The following DNER variants were observed in gnomAD, a reference collection of about 807,000 sequenced individuals.
The protein encoded by DNER is delta/notch like EGF repeat containing, also known as delta and Notch-like epidermal growth factor-related receptor.
A neutral mutation model predicts 78.2 loss-of-function variants in DNER; 33 were observed. The ratio of observed to expected loss-of-function variants is 0.42; its 90% CI spans 0.32 to 0.56. The LOEUF is 0.56. Among genes scored for constraint, DNER ranks in the 20% least tolerant of loss-of-function variants. DNER has a pLI of 0.11. For synonymous variants in DNER, 417 were observed against 384.8 expected, an observed-to-expected ratio of 1.08 and a Z score of -0.98; for missense variants, 918 against 975.3, an observed-to-expected ratio of 0.94 and a Z score of 0.78.
intron 4 of DNER, 136 bp from the exon 5 acceptor site, chr2:229,547,228 G>T: frequency 2.4e-6 from 3 of 1,234,022 alleles, no homozygotes; most frequent in Non-Finnish European, 3.3e-6. Context: ...AAAACAAAAT[G>T]CAGTGAGGCA....
chr2:229,610,352 G>GT (rs1329541469), intron 1 of DNER, among the ~76,000 whole-genome samples: 1 of 152,184 alleles, frequency 6.6e-6, no homozygotes, highest in African/African-American at 2.4e-5. Flanking sequence ...CTGGAAAGTA[G>GT]TAAGTTCACT....
chr2:229,411,947 G>A (rs374676809), intron 9 of DNER, among the ~76,000 whole-genome samples: 1 of 152,066 alleles, frequency 6.6e-6, no homozygotes, highest in Non-Finnish European at 1.5e-5. Context: ...AAAAACATGA[G>A]TAATTATGAA....
At chr2:229,610,581 C>T (rs1698028551) in intron 1 of DNER, among the ~76,000 whole-genome samples, 1 of 152,146 alleles carries the variant, frequency 6.6e-6, no homozygotes, top group Non-Finnish European at 1.5e-5. Context: ...GATCAGTCAC[C>T]AGGACTGGGT....
intron 5 of DNER, among the ~76,000 whole-genome samples, chr2:229,523,124 G>A (rs1696133996): frequency 6.6e-6 from 1 of 152,160 alleles, no homozygotes; most frequent in South Asian, 2.1e-4. Context: ...ATGGGAAGGG[G>A]GTGACCCCCT....
intron 1 of DNER, among the ~76,000 whole-genome samples, chr2:229,689,201 G>T (rs763118858): frequency 4.6e-5 from 7 of 152,174 alleles, no homozygotes; most frequent in South Asian, 2.1e-4. Flanking sequence ...TTAGCCTATG[G>T]TACCTATAGT....
intron 4 of DNER, among the ~76,000 whole-genome samples, chr2:229,565,655 C>T (rs2154213880): frequency 6.6e-6 from 1 of 152,258 alleles, no homozygotes; most frequent in South Asian, 2.1e-4. Flanking sequence ...CCCAATGTGC[C>T]TATTTCTCAC....
At chr2:229,360,553 C>CA (rs1559330203) in intron 12 of DNER, among the ~76,000 whole-genome samples, 1 of 152,194 alleles carries the variant, frequency 6.6e-6, no homozygotes, top group Non-Finnish European at 1.5e-5. Flanking sequence ...GCTGGGACTA[C>CA]AGGCGCCCGC....
intron 8 of DNER, among the ~76,000 whole-genome samples, chr2:229,437,906 T>C (rs908402042): frequency 9.9e-5 from 15 of 152,136 alleles, no homozygotes; most frequent in African/African-American, 2.2e-4. Context: ...CTAGTAGGCA[T>C]TGGGGACCCC....
At chr2:229,602,526 T>C (rs931431217) in intron 1 of DNER, among the ~76,000 whole-genome samples, 2 of 152,054 alleles carry the variant, frequency 1.3e-5, no homozygotes, top group African/African-American at 2.4e-5. Context: ...AAGGATCCAC[T>C]AAGAAAATAA....
chr2:229,554,166 T>C (rs1460664475), intron 4 of DNER, among the ~76,000 whole-genome samples: 2 of 152,218 alleles, frequency 1.3e-5, no homozygotes, highest in Non-Finnish European at 2.9e-5. Context: ...CTGCACTTAA[T>C]GTCCCAGGGA....
intron 6 of DNER, among the ~76,000 whole-genome samples, chr2:229,500,992 G>C (rs1695609746): frequency 6.6e-6 from 1 of 152,092 alleles, no homozygotes; most frequent in South Asian, 2.1e-4. Context: ...ACAACAACAT[G>C]AATCAACCTG....
At chr2:229,437,193 C>T (rs926490353) in intron 8 of DNER, among the ~76,000 whole-genome samples, 5 of 152,272 alleles carry the variant, frequency 3.3e-5, no homozygotes, top group Admixed American at 1.3e-4. Context: ...TAAAGAAGCA[C>T]GTGAGTGAGA....
chr2:229,615,787 T>G (rs950034596), intron 1 of DNER, among the ~76,000 whole-genome samples: 3 of 108,114 alleles, frequency 2.8e-5, no homozygotes, highest in Non-Finnish European at 4.2e-5. Flanking sequence ...ACTAGGAGAC[T>G]AGCGGCAAAA....
chr2:229,520,375 A>C (rs1225168208), intron 5 of DNER, among the ~76,000 whole-genome samples: 2 of 152,202 alleles, frequency 1.3e-5, no homozygotes, highest in Non-Finnish European at 2.9e-5. Context: ...TCTGAAAACG[A>C]AATGGAGATG....
chr2:229,646,220 G>A (rs569738545), intron 1 of DNER, among the ~76,000 whole-genome samples: 68 of 152,100 alleles, frequency 4.5e-4, no homozygotes, highest in Non-Finnish European at 6.5e-4. Context: ...ATTTTAAGGC[G>A]TCATTATAAG....
intron 1 of DNER, among the ~76,000 whole-genome samples, chr2:229,697,287 C>T (rs576366146): frequency 6.6e-6 from 1 of 152,228 alleles, no homozygotes; most frequent in South Asian, 2.1e-4. Context: ...TATGAAATAT[C>T]GAGAATAAGT....
intron 5 of DNER, among the ~76,000 whole-genome samples, chr2:229,519,706 C>T (rs569221434): frequency 1.4e-4 from 22 of 152,244 alleles, no homozygotes; most frequent in East Asian, 5.8e-4. Context: ...TCAGAAGATG[C>T]GTGTGGGGAG....
intron 5 of DNER, among the ~76,000 whole-genome samples, chr2:229,534,202 C>A (rs1416513686): frequency 6.6e-6 from 1 of 150,646 alleles, no homozygotes; most frequent in Non-Finnish European, 1.5e-5. Context: ...ACGTAACAGA[C>A]CAATAGATTG....
chr2:229,565,728 G>A (rs537802739), intron 4 of DNER, among the ~76,000 whole-genome samples: 1 of 152,186 alleles, frequency 6.6e-6, no homozygotes, highest in South Asian at 2.1e-4. Context: ...CATCATAATA[G>A]GACACCTTTT....
Sources: allele counts gnomAD v4.1 joint callset (sites outside exome capture counted in the v4.1 genomes callset), GRCh38; gene constraint gnomAD v4.1.1; transcripts MANE v1.5; gene names NCBI Gene and HGNC (gene_info 2026-07-23, HGNC 2026-07-21).